Variants in RAPGEF1 observed in about 807,000 individuals in gnomAD.
RAPGEF1 encodes the protein Rap guanine nucleotide exchange factor 1, also known as CRK SH3-binding GNRP.
A neutral mutation model predicts 143.3 loss-of-function variants in RAPGEF1; 33 were observed. The ratio of observed to expected loss-of-function variants is 0.23; its 90% confidence interval spans 0.17 to 0.31. The LOEUF is 0.31. Ranked by LOEUF, RAPGEF1 falls within the 10% of genes least tolerant of loss-of-function variation. The pLI, the probability that RAPGEF1 is intolerant of heterozygous loss-of-function variation, is 1.00. For missense variants in RAPGEF1, 1,199 were observed against 1,645.4 expected, an observed-to-expected ratio of 0.73 and a Z score of 4.69; for synonymous variants, 629 against 676.5, an observed-to-expected ratio of 0.93 and a Z score of 1.09.
intron 13 of RAPGEF1, 29 bp from the exon 14 acceptor site, chr9:131,604,082 A>C (rs1409435233): frequency 7.8e-7 from 1 of 1,283,562 alleles, no homozygotes; most frequent in Non-Finnish European, 1.0e-6. Flanking sequence ...GAGGAAAGAC[A>C]CATGGGCCAG....
intron 12 of RAPGEF1, among the ~76,000 whole-genome samples, chr9:131,609,593 G>A (rs1293015331): frequency 1.3e-5 from 2 of 152,140 alleles, no homozygotes; most frequent in Non-Finnish European, 2.9e-5. Context: ...GAGTGTGGCA[G>A]GACAGGCAGG....
At chr9:131,661,116 AC>A (rs2133645457) in intron 1 of RAPGEF1, among the ~76,000 whole-genome samples, 1 of 152,332 alleles carries the variant, frequency 6.6e-6, no homozygotes, top group South Asian at 2.1e-4. Flanking sequence ...CTATGGCTGA[AC>A]ACATCCTTCC....
chr9:131,708,920 A>T (rs1375404959), intron 1 of RAPGEF1, among the ~76,000 whole-genome samples: 1 of 152,144 alleles, frequency 6.6e-6, no homozygotes, highest in Non-Finnish European at 1.5e-5. Context: ...ATTAGTAGAG[A>T]CGGGGTTTCG....
At chr9:131,687,814 T>C (rs1433476386) in intron 1 of RAPGEF1, among the ~76,000 whole-genome samples, 2 of 152,168 alleles carry the variant, frequency 1.3e-5, no homozygotes, top group Non-Finnish European at 2.9e-5. Flanking sequence ...AAAAAATCAA[T>C]TTTCATATAA....
chr9:131,622,467 C>G (rs1257260878), intron 10 of RAPGEF1, among the ~76,000 whole-genome samples: 2 of 152,134 alleles, frequency 1.3e-5, no homozygotes, highest in African/African-American at 4.8e-5. Flanking sequence ...GTCAACAAAT[C>G]AAGGAAGGCC....
At position 131,599,395 on chromosome 9, in the gene RAPGEF1, A is replaced by G. The variant is rs555149811; in HGVS notation, c.2502-1085T>C. Reference sequence around the variant, plus strand: ...TTTGGCCTCTCAAAGTGTTAAGATTATAAGCATGAGCCACCGTGCCCAGTC... The same window carrying G: ...TTTGGCCTCTCAAAGTGTTAAGATTGTAAGCATGAGCCACCGTGCCCAGTC... On this transcript the variant is annotated intron_variant, in intron 15 of 26. Coordinates refer to ENST00000683357, the MANE Select transcript of RAPGEF1 (RefSeq NM_001377935.1). 1.4e-3 allele frequency among the ~76,000 whole-genome samples: 202 copies of G among 149,280 alleles called. 1 individual carries two copies. Among genetic ancestry groups the G allele is most frequent in the Non-Finnish European group, 2.2e-3 (150 of 67,674 alleles).
At chr9:131,726,413 G>T (rs1196056886) in intron 1 of RAPGEF1, among the ~76,000 whole-genome samples, 4 of 152,080 alleles carry the variant, frequency 2.6e-5, no homozygotes, top group Admixed American at 2.6e-4. Flanking sequence ...GATCACTTGA[G>T]GCCATGCATT....
intron 11 of RAPGEF1, among the ~76,000 whole-genome samples, chr9:131,620,938 G>T (rs774759534): frequency 1.9e-4 from 29 of 152,250 alleles, no homozygotes; most frequent in Non-Finnish European, 3.7e-4. Flanking sequence ...GCCAGCACAC[G>T]AGAGCAGCAG....
chr9:131,646,446 T>C (rs772000485), intron 3 of RAPGEF1, among the ~76,000 whole-genome samples: 1 of 152,298 alleles, frequency 6.6e-6, no homozygotes, highest in East Asian at 1.9e-4. Context: ...GAGATGGACA[T>C]AAAATCCCCA....
rs961301715 is a variant in RAPGEF1 at position 131,643,300 on chromosome 9, C to T, written c.433G>A (p.Ala145Thr). 6.2e-7 allele frequency: 1 copy of T among 1,613,446 alleles called. No homozygotes were observed. Among genetic ancestry groups the T allele is most frequent in the Non-Finnish European group, 8.5e-7 (1 of 1,179,760 alleles). The change falls in exon 4 of 27, where the codon GCC becomes ACC. Residue 145 changes from alanine to threonine, a missense_variant. By Grantham distance (58) the Ala-to-Thr change is moderately conservative. This residue lies in a region of RAPGEF1 where 613 missense variants were observed against 710.9 expected (regional missense o/e 0.86). Transcript: ENST00000683357. ...AAGATGGCCTCCAGCACCTTGCTGG[C>T]TGACCCTGGAAGCATCTCCAGTACC... Reference protein sequence around the residue: ...KKVLEMLPGSASKVLEAILPL... With the variant: ...KKVLEMLPGSTSKVLEAILPL...
chr9:131,666,322 G>A (rs1385922665), intron 1 of RAPGEF1, among the ~76,000 whole-genome samples: 7 of 152,084 alleles, frequency 4.6e-5, no homozygotes, highest in African/African-American at 9.7e-5. Flanking sequence ...AGGTTCTAAC[G>A]GACTCTCTGG....
chr9:131,717,019 GA>G (rs1835910775), intron 1 of RAPGEF1, among the ~76,000 whole-genome samples: 2 of 152,270 alleles, frequency 1.3e-5, no homozygotes, highest in East Asian at 3.9e-4. Context: ...ACATCCAGTG[GA>G]CTCTCAAAGA....
chr9:131,610,131 A>G (rs1038406944), intron 12 of RAPGEF1, among the ~76,000 whole-genome samples: 1 of 152,220 alleles, frequency 6.6e-6, no homozygotes, highest in African/African-American at 2.4e-5. Flanking sequence ...CCTGGGCTCA[A>G]GTGATCCTCC....
At chr9:131,701,925 T>C (rs1589051065) in intron 1 of RAPGEF1, among the ~76,000 whole-genome samples, 1 of 152,248 alleles carries the variant, frequency 6.6e-6, no homozygotes, top group East Asian at 1.9e-4. Flanking sequence ...TACCTTTCTC[T>C]CCTACCCTGA....
chr9:131,659,706 T>C (rs944835800), intron 1 of RAPGEF1, among the ~76,000 whole-genome samples: 8 of 152,222 alleles, frequency 5.3e-5, no homozygotes, highest in South Asian at 2.1e-4. Context: ...AAATACTTAA[T>C]ACATGGCAGC....
intron 4 of RAPGEF1, 135 bp from the exon 5 acceptor site, chr9:131,638,926 C>T: frequency 1.2e-6 from 1 of 812,926 alleles, no homozygotes; most frequent in Admixed American, 2.9e-5. Flanking sequence ...TTTTAATAAG[C>T]AAACTTCTCC....
At chr9:131,722,913 G>A (rs114709328) in intron 1 of RAPGEF1, among the ~76,000 whole-genome samples, 2,786 of 152,204 alleles carry the variant, frequency 0.018, 97 homozygotes, top group African/African-American at 0.062. Context: ...CGGGGCGGGG[G>A]GCAGGCATGG....
At chr9:131,694,902 C>T (rs1048870629) in intron 1 of RAPGEF1, among the ~76,000 whole-genome samples, 4 of 150,024 alleles carry the variant, frequency 2.7e-5, no homozygotes, top group Non-Finnish European at 5.9e-5. Context: ...CACCCATTAA[C>T]TCGTCATTTA....
rs146005860 is a variant in RAPGEF1 at position 131,595,480 on chromosome 9, A to G, written c.2689+818T>C. On this transcript the variant is annotated intron_variant, in intron 17 of 26. Transcript: ENST00000683357. ...ATGAAACGGGTTGGGCTAGGATTTC[A>G]AGGTGGGGGTGTTTTCATTCCCTCC... Among the ~76,000 whole-genome samples, 50 of 152,336 alleles carry G rather than the reference A, an allele frequency of 3.3e-4. 1 individual carries two copies. In the East Asian group the frequency reaches 9.6e-3, roughly 29 times the overall value.
Sources: allele counts gnomAD v4.1 joint callset (sites outside exome capture counted in the v4.1 genomes callset), GRCh38; gene constraint gnomAD v4.1.1; regional missense constraint gnomAD v4.1.1; transcripts MANE v1.5; gene names NCBI Gene and HGNC (gene_info 2026-07-23, HGNC 2026-07-21).